LAMA2: variants seen among roughly 807,000 people sequenced by gnomAD.
The protein encoded by LAMA2 is laminin subunit alpha 2.
A neutral mutation model predicts 364.8 loss-of-function variants in LAMA2; 269 were observed. The ratio of observed to expected loss-of-function variants is 0.74; its 90% CI spans 0.67 to 0.82. The LOEUF (loss-of-function observed/expected upper bound fraction) is 0.82, where lower values mean the gene tolerates loss of function less well. Among genes scored for constraint, LAMA2 ranks in the 40% least tolerant of loss-of-function variants. The pLI is 0.00. For missense variants in LAMA2, 3,807 were observed against 3,873.2 expected (o/e 0.98, Z 0.45); for synonymous variants, 1,379 against 1,370.6 (o/e 1.01, Z -0.14).
intron 1 of LAMA2, among the ~76,000 whole-genome samples, chr6:128,906,847 T>C (rs1777509412): frequency 6.6e-6 from 1 of 151,036 alleles, no homozygotes; most frequent in South Asian, 2.1e-4. Flanking sequence ...TTCAGCTTTC[T>C]ACATATGGCT....
At chr6:128,899,577 T>C (rs980843670) in intron 1 of LAMA2, among the ~76,000 whole-genome samples, 5 of 152,240 alleles carry the variant, frequency 3.3e-5, no homozygotes, top group African/African-American at 1.2e-4. Flanking sequence ...ACCAAGAGTG[T>C]TGCCTTTTAA....
chr6:129,423,130 G>A (rs991196174), intron 40 of LAMA2, among the ~76,000 whole-genome samples: 5 of 151,790 alleles, frequency 3.3e-5, no homozygotes, highest in African/African-American at 7.3e-5. Context: ...GACAAAATGC[G>A]TCTATTTTTT....
Position 129,296,883 on chromosome 6 carries a change from C to T in LAMA2, c.2857-802C>T, listed in dbSNP as rs75217866. 2.1e-4 allele frequency among the ~76,000 whole-genome samples: 32 copies of T among 152,156 alleles called. No homozygotes were observed. The East Asian group carries it at 4.8e-3, about 23-fold the overall frequency. ...TTTTTAATCCATCAGCATTTTCTAA[C>T]GTTTCATTTTAAGCCTGATAACATG... On this transcript the variant is annotated intron_variant, in intron 20 of 64. Transcript: ENST00000421865.
chr6:129,170,900 G>T lies in LAMA2; in HGVS notation c.1306+5225G>T, dbSNP rs1343219611. ...ATATTTAGGATAGTTAGCTCTTCTT[G>T]TTGAATTGATCCCTTTACCATTATG... is the stretch of plus-strand genomic sequence containing the variant. On this transcript the variant is annotated intron_variant, in intron 9 of 64. Coordinates refer to ENST00000421865, the MANE Select transcript of LAMA2 (RefSeq NM_000426.4). Among the ~76,000 whole-genome samples the T allele has an allele frequency of 2.5e-4, 37 of 150,518 alleles. 1 individual carries two copies. In the Middle Eastern group the frequency reaches 0.014, roughly 55 times the overall value.
At position 129,083,514 on chromosome 6, in the gene LAMA2, C is replaced by G. The variant is rs533017338; in HGVS notation, c.397-14659C>G. On this transcript the variant is annotated intron_variant, in intron 3 of 64. Transcript: ENST00000421865. ...GCATTTGCAATCTTCTTTCTTTGTT[C>G]TTTATTCATTGCAATAATAAAAACA... Among the ~76,000 whole-genome samples, 3 of 152,246 alleles carry G rather than the reference C, an allele frequency of 2.0e-5. No individual in the cohort carries two copies. The East Asian group carries it at 5.8e-4, about 29-fold the overall frequency.
At chr6:128,982,596 TTTA>T (rs1005737875) in intron 1 of LAMA2, among the ~76,000 whole-genome samples, 28 of 152,056 alleles carry the variant, frequency 1.8e-4, no homozygotes, top group African/African-American at 6.8e-4. Context: ...CCAGTTTTGT[TTTA>T]TTATTATTTT....
chr6:129,492,486 A>G lies in LAMA2; in HGVS notation c.8244+3A>G. The G allele has an allele frequency of 1.9e-6, 3 of 1,611,146 alleles. No homozygotes were observed. The highest frequency in any genetic ancestry group is 2.5e-6 in the Non-Finnish European group (3 of 1,177,392). On this transcript the variant is annotated splice_donor_region_variant and intron_variant, in intron 58 of 64. Coordinates refer to ENST00000421865, the MANE Select transcript of LAMA2 (RefSeq NM_000426.4). ...CGCCCACCCCAGTTCTGACACATGT[A>G]AGTGTTTATATTATCCCCATTGCTT...
intron 1 of LAMA2, among the ~76,000 whole-genome samples, chr6:128,960,159 G>A (rs993600671): frequency 1.3e-5 from 2 of 151,784 alleles, no homozygotes; most frequent in Non-Finnish European, 2.9e-5. Context: ...TATGACCTGT[G>A]CTATGAATTT....
intron 12 of LAMA2, among the ~76,000 whole-genome samples, chr6:129,226,252 G>C (rs566989980): frequency 2.7e-4 from 41 of 152,276 alleles, no homozygotes; most frequent in African/African-American, 9.6e-4. Context: ...TGGGTCTCTT[G>C]AATACAGCAC....
intron 16 of LAMA2, among the ~76,000 whole-genome samples, chr6:129,268,742 C>A (rs567547341): frequency 2.0e-5 from 3 of 152,074 alleles, no homozygotes; most frequent in Middle Eastern, 3.4e-3. Context: ...AATAACAGAG[C>A]GATCTTGAGG....
chr6:129,191,414 A>T lies in LAMA2; in HGVS notation c.1608+1069A>T, dbSNP rs552471724. Among the ~76,000 whole-genome samples, 18 of 152,304 alleles carry T rather than the reference A, an allele frequency of 1.2e-4. No individual in the cohort carries two copies. In the East Asian group the frequency reaches 3.3e-3, roughly 28 times the overall value. Reference sequence around the variant, plus strand: ...CAGAGCAGACTTCAAAGAATCAACCACAGATGGACATCTAGTCTAACTTCC... The same window carrying T: ...CAGAGCAGACTTCAAAGAATCAACCTCAGATGGACATCTAGTCTAACTTCC... On this transcript the variant is annotated intron_variant, in intron 11 of 64. Coordinates refer to ENST00000421865, the MANE Select transcript of LAMA2 (RefSeq NM_000426.4).
At chr6:129,427,950 A>C in intron 41 of LAMA2, 96 bp downstream of exon 41, 1 of 840,724 alleles carries the variant, frequency 1.2e-6, no homozygotes, top group Non-Finnish European at 2.0e-6. Context: ...TTTCTTTAGC[A>C]TGATTTTTGT....
chr6:129,202,536 T>C (rs2115055027), intron 12 of LAMA2, among the ~76,000 whole-genome samples: 1 of 152,302 alleles, frequency 6.6e-6, no homozygotes, highest in South Asian at 2.1e-4. Context: ...AATCTGCTGA[T>C]GCCTGGATCT....
At chr6:129,395,486 C>G (rs941104603) in intron 37 of LAMA2, among the ~76,000 whole-genome samples, 3 of 152,114 alleles carry the variant, frequency 2.0e-5, no homozygotes, top group African/African-American at 7.2e-5. Context: ...TTCTTGGACC[C>G]CATCCCTAAA....
intron 40 of LAMA2, among the ~76,000 whole-genome samples, chr6:129,412,626 CAG>C (rs2114713628): frequency 6.6e-6 from 1 of 152,262 alleles, no homozygotes; most frequent in Admixed American, 6.5e-5. Flanking sequence ...ATACAACAAT[CAG>C]GGTAATTATC....
intron 12 of LAMA2, among the ~76,000 whole-genome samples, chr6:129,208,743 G>A (rs1325137848): frequency 6.8e-6 from 1 of 147,058 alleles, no homozygotes; most frequent in African/African-American, 2.5e-5. Flanking sequence ...AGGAGGGAGG[G>A]AGGAAGGAAG....
Position 129,291,609 on chromosome 6 carries a change from T to C in LAMA2, c.2750-5T>C, listed in dbSNP as rs1326407457. 3 of 1,610,794 alleles carry C rather than the reference T, an allele frequency of 1.9e-6. No homozygotes were observed. Among genetic ancestry groups the C allele is most frequent in the Non-Finnish European group, 2.5e-6 (3 of 1,177,128 alleles). ...CCTGATCACAGGTCTCTCTTCTCTT[T>C]GCAGCCTGTCGCTGTAATGCCGGTG... On this transcript the variant is annotated splice_polypyrimidine_tract_variant and splice_region_variant and intron_variant, in intron 19 of 64. Coordinates refer to ENST00000421865, the MANE Select transcript of LAMA2 (RefSeq NM_000426.4).
intron 9 of LAMA2, among the ~76,000 whole-genome samples, chr6:129,169,595 TTCA>T (rs1443346803): frequency 6.6e-6 from 1 of 151,406 alleles, no homozygotes; most frequent in Non-Finnish European, 1.5e-5. Flanking sequence ...TGCATCAATG[TTCA>T]TCAAGGATAT....
At chr6:129,504,035 A>C (rs148986463) in intron 60 of LAMA2, among the ~76,000 whole-genome samples, 77 of 152,318 alleles carry the variant, frequency 5.1e-4, no homozygotes, top group African/African-American at 1.8e-3. Context: ...ATTAAAGCAA[A>C]GCTTCCCTAG....
Sources: gnomAD v4.1 joint callset for allele counts (sites outside exome capture counted in the v4.1 genomes callset) on GRCh38, gnomAD v4.1.1 for gene constraint, MANE v1.5 for transcripts, NCBI Gene and HGNC (gene_info 2026-07-23, HGNC 2026-07-21) for gene names.